Variants in DIAPH2 observed in about 807,000 individuals in gnomAD.
The protein encoded by DIAPH2 is diaphanous related formin 2.
A neutral mutation model predicts 92.7 loss-of-function variants in DIAPH2; 35 were observed. That is an observed-to-expected ratio of 0.38 (90% CI 0.29 to 0.50). The LOEUF is 0.50. DIAPH2 is among the 20% of genes least tolerant of loss of function. DIAPH2 has a pLI of 0.94. For synonymous variants in DIAPH2, 301 were observed against 280.4 expected (o/e 1.07, Z -0.73); for missense variants, 701 against 819.5 (o/e 0.86, Z 1.77).
At chrX:97,448,163 T>C (rs1343909015) in intron 26 of DIAPH2, among the ~76,000 whole-genome samples, 1 of 111,849 alleles carries the variant, frequency 8.9e-6, no homozygotes. Context: ...TTTGAACAAG[T>C]GGAGAGAACA....
At chrX:97,378,070 T>A (rs781311378) in intron 24 of DIAPH2, among the ~76,000 whole-genome samples, 38 of 109,825 alleles carry the variant, frequency 3.5e-4, no homozygotes, top group Non-Finnish European at 7.0e-4. Flanking sequence ...AGATTAAAAA[T>A]GTGAAAAATA....
chrX:97,034,616 C>A (rs183600379), intron 17 of DIAPH2, among the ~76,000 whole-genome samples: 9 of 111,004 alleles, frequency 8.1e-5, no homozygotes, highest in African/African-American at 2.6e-4. Context: ...AAAAATTAAT[C>A]CATACTTGAG....
At chrX:97,483,790 A>C (rs896569856) in intron 26 of DIAPH2, among the ~76,000 whole-genome samples, 1 of 111,655 alleles carries the variant, frequency 9.0e-6, no homozygotes, top group Non-Finnish European at 1.9e-5. Context: ...GTCCCATCAC[A>C]ATTTCTGTTT....
At chrX:97,448,035 G>T (rs954963338) in intron 26 of DIAPH2, among the ~76,000 whole-genome samples, 4 of 112,265 alleles carry the variant, frequency 3.6e-5, no homozygotes, top group Middle Eastern at 4.6e-3. Context: ...TATTAGTTGA[G>T]AAAATTAGCT....
At chrX:96,937,430 T>TA (rs1417491211) in intron 11 of DIAPH2, 79 bp downstream of exon 11, 8 of 579,170 alleles carry the variant, frequency 1.4e-5, no homozygotes, top group Non-Finnish European at 1.9e-5. Flanking sequence ...GGAACATTAT[T>TA]AGAGTTCTTG....
At chrX:97,198,026 A>G (rs2067716831) in intron 22 of DIAPH2, among the ~76,000 whole-genome samples, 1 of 111,177 alleles carries the variant, frequency 9.0e-6, no homozygotes, top group Admixed American at 9.7e-5. Context: ...TAGGACTCAG[A>G]AAGAGAGACT....
At chrX:97,397,357 C>A (rs1231654110) in intron 25 of DIAPH2, among the ~76,000 whole-genome samples, 1 of 7,234 alleles carries the variant, frequency 1.4e-4, no homozygotes, top group African/African-American at 1.5e-4. Context: ...TTTAAATGTA[C>A]TTTAAAAAAA....
chrX:97,545,632 CATA>C (rs1334033112), intron 26 of DIAPH2, among the ~76,000 whole-genome samples: 1 of 106,556 alleles, frequency 9.4e-6, no homozygotes, highest in Non-Finnish European at 1.9e-5. Context: ...CATTATTCTG[CATA>C]ATATGTTTCT....
At chrX:96,744,637 A>G (rs1047299556) in intron 3 of DIAPH2, among the ~76,000 whole-genome samples, 9 of 112,172 alleles carry the variant, frequency 8.0e-5, no homozygotes, top group Admixed American at 7.5e-4. Context: ...TGGAGCATCA[A>G]TTGAGAAGAA....
At chrX:97,185,323 A>G (rs1452431588) in intron 22 of DIAPH2, among the ~76,000 whole-genome samples, 9 of 47,727 alleles carry the variant, frequency 1.9e-4, no homozygotes, top group East Asian at 1.3e-3. Flanking sequence ...ATATATATAT[A>G]TGTGTATATA....
chrX:96,796,647 T>C (rs1412547451), intron 4 of DIAPH2, among the ~76,000 whole-genome samples: 1 of 111,981 alleles, frequency 8.9e-6, no homozygotes, highest in Non-Finnish European at 1.9e-5. Context: ...TTATGCATCT[T>C]AACTTATGAC....
intron 24 of DIAPH2, among the ~76,000 whole-genome samples, chrX:97,368,528 C>G (rs73552452): frequency 0.018 from 1,990 of 111,488 alleles, 39 homozygotes; most frequent in African/African-American, 0.061. Flanking sequence ...TAAATTTTAG[C>G]AAAACACATG....
intron 4 of DIAPH2, among the ~76,000 whole-genome samples, chrX:96,761,597 T>A (rs1766676): frequency 2.7e-5 from 3 of 111,530 alleles, no homozygotes; most frequent in African/African-American, 9.7e-5. Context: ...TAGCTTCTGT[T>A]GGGTACTAAA....
intron 22 of DIAPH2, among the ~76,000 whole-genome samples, chrX:97,155,487 A>G (rs1320012050): frequency 6.3e-5 from 6 of 94,744 alleles, no homozygotes; most frequent in Non-Finnish European, 1.1e-4. Context: ...GGTGACAGAG[A>G]AAGACTCTGT....
intron 26 of DIAPH2, among the ~76,000 whole-genome samples, chrX:97,566,544 C>T (rs1331551004): frequency 1.8e-5 from 2 of 111,446 alleles, no homozygotes; most frequent in Non-Finnish European, 3.8e-5. Context: ...GCAAATTTGT[C>T]AACAAATTTA....
chrX:96,848,762 GT>G (rs908580596), intron 4 of DIAPH2, among the ~76,000 whole-genome samples: 4 of 111,538 alleles, frequency 3.6e-5, no homozygotes, highest in Non-Finnish European at 7.5e-5. Context: ...CATTACTGAT[GT>G]TTTTTTTGGA....
intron 23 of DIAPH2, among the ~76,000 whole-genome samples, chrX:97,322,787 T>C (rs1429991267): frequency 9.0e-6 from 1 of 111,156 alleles, no homozygotes; most frequent in Non-Finnish European, 1.9e-5. Flanking sequence ...GACTAAAAAG[T>C]AGGTTGTTGA....
At chrX:97,548,234 C>T in intron 26 of DIAPH2, among the ~76,000 whole-genome samples, 1 of 112,101 alleles carries the variant, frequency 8.9e-6, no homozygotes. Flanking sequence ...CTCTTGTGCA[C>T]CTATGCACAC....
intron 4 of DIAPH2, among the ~76,000 whole-genome samples, chrX:96,859,777 G>A (rs1188812643): frequency 6.4e-5 from 7 of 109,480 alleles, no homozygotes; most frequent in Non-Finnish European, 1.1e-4. Context: ...GCATAGCTGG[G>A]ACCACAGGCG....
Sources: allele counts gnomAD v4.1 joint callset (sites outside exome capture counted in the v4.1 genomes callset), GRCh38; gene constraint gnomAD v4.1.1; transcripts MANE v1.5; gene names NCBI Gene and HGNC (gene_info 2026-07-23, HGNC 2026-07-21).